SCN2A: variants seen among roughly 807,000 people sequenced by gnomAD.
SCN2A encodes sodium voltage-gated channel alpha subunit 2, also known as sodium channel protein type 2 subunit alpha.
A neutral mutation model predicts 188.7 loss-of-function variants in SCN2A; 20 were observed. The ratio of observed to expected loss-of-function variants is 0.11; its 90% CI spans 0.07 to 0.15. The LOEUF is 0.15. SCN2A is among the 10% of genes least tolerant of loss of function. SCN2A has a pLI of 1.00. For missense variants in SCN2A, 1,278 were observed against 2,445.0 expected, an observed-to-expected ratio of 0.52 and a Z score of 10.07; for synonymous variants, 804 against 833.1, an observed-to-expected ratio of 0.97 and a Z score of 0.60.
rs929165412 is a variant in SCN2A at position 165,369,201 on chromosome 2, C to T, written c.3676-925C>T. 3.3e-5 allele frequency among the ~76,000 whole-genome samples: 5 copies of T among 152,028 alleles called. No individual in the cohort carries two copies. The East Asian group carries it at 5.8e-4, about 18-fold the overall frequency. On this transcript the variant is annotated intron_variant, in intron 19 of 26. Transcript: ENST00000375437. ...GTCTTGGCCTCTTAAAGTGCTGGAA[C>T]GACGGGCGTGAACCACCGCACCTTG... is the stretch of plus-strand genomic sequence containing the variant.
intron 1 of SCN2A, among the ~76,000 whole-genome samples, chr2:165,274,550 G>A (rs966023054): frequency 1.4e-4 from 22 of 151,992 alleles, no homozygotes; most frequent in African/African-American, 4.8e-4. Flanking sequence ...TTTCACACAC[G>A]AAAACAAAAG....
chr2:165,248,081 A>C (rs1272704516), intron 1 of SCN2A, among the ~76,000 whole-genome samples: 1 of 152,092 alleles, frequency 6.6e-6, no homozygotes, highest in Non-Finnish European at 1.5e-5. Flanking sequence ...TGCCACCTTC[A>C]CACTGCTACC....
chr2:165,278,679 C>A lies in SCN2A; in HGVS notation c.-51-17094C>A, dbSNP rs115570653. 7.0e-3 allele frequency among the ~76,000 whole-genome samples: 1,070 copies of A among 152,196 alleles called. 6 individuals are homozygous for A. The highest frequency in any genetic ancestry group is 0.025 in the African/African-American group (1,028 of 41,510). On this transcript the variant is annotated intron_variant, in intron 1 of 26. Transcript: ENST00000375437. Reference sequence around the variant, plus strand: ...TGGACTAGGCAAAGTGGCTCATGGCCATAATCCCAGCAGTTTGTGAGGCCA... The same window carrying A: ...TGGACTAGGCAAAGTGGCTCATGGCAATAATCCCAGCAGTTTGTGAGGCCA...
intron 22 of SCN2A, among the ~76,000 whole-genome samples, chr2:165,377,037 A>G (rs1006536678): frequency 2.0e-5 from 3 of 152,072 alleles, no homozygotes; most frequent in Non-Finnish European, 2.9e-5. Flanking sequence ...TATTTAAAAA[A>G]GGAAATGCAG....
rs141644161 is a variant in SCN2A, at chr2:165,260,312, C to T, written c.-52+20672C>T. ...GATCCATGGAGTGCGGGCATGAAAA[C>T]GTTAATCTCCTTGCAGATCTCCATC... On this transcript the variant is annotated intron_variant, in intron 1 of 26. Coordinates refer to ENST00000375437, the MANE Select transcript of SCN2A (RefSeq NM_001040142.2). 3.3e-5 allele frequency among the ~76,000 whole-genome samples: 5 copies of T among 152,192 alleles called. No individual in the cohort carries two copies. The East Asian group carries it at 9.6e-4, about 29-fold the overall frequency.
chr2:165,361,537 A>G (rs1344316143), intron 17 of SCN2A, among the ~76,000 whole-genome samples: 1 of 152,072 alleles, frequency 6.6e-6, no homozygotes, highest in African/African-American at 2.4e-5. Context: ...GATAAAACTC[A>G]CATTTCCTTC....
In SCN2A at chr2:165,344,908, A is replaced by G. The variant is rs1574642369; in HGVS notation, c.2916A>G (p.Leu972=). ...VFMMVMVIGN[L]VVLNLFLALL... ...TGATGGTCATGGTGATTGGAAATCT[A>G]GTGGTATGTAGCAAAAACATTTTCC... is the stretch of plus-strand genomic sequence containing the variant. The change falls in exon 16 of 27, where the codon CTA becomes CTG. Residue 972 remains leucine, a synonymous_variant. Transcript: ENST00000375437. 2.5e-6 allele frequency: 4 copies of G among 1,614,178 alleles called. No individual in the cohort carries two copies. The highest frequency in any genetic ancestry group is 3.4e-6 in the Non-Finnish European group (4 of 1,180,012).
intron 16 of SCN2A, among the ~76,000 whole-genome samples, chr2:165,350,479 T>TGAGA (rs1455926536): frequency 1.6e-5 from 2 of 123,660 alleles, no homozygotes; most frequent in South Asian, 2.7e-4. Flanking sequence ...TTTTTTTTTT[T>TGAGA]TTTTTTTTTT....
chr2:165,315,173 A>T (rs1038153260), intron 10 of SCN2A, among the ~76,000 whole-genome samples: 1 of 152,214 alleles, frequency 6.6e-6, no homozygotes, highest in African/African-American at 2.4e-5. Context: ...TGTTTGAATT[A>T]TAGAACATGT....
chr2:165,305,507 G>A (rs1052456325), intron 3 of SCN2A, among the ~76,000 whole-genome samples: 8 of 152,102 alleles, frequency 5.3e-5, no homozygotes, highest in Admixed American at 4.6e-4. Context: ...CATACCTTAT[G>A]TCTTTCTTTT....
intron 1 of SCN2A, among the ~76,000 whole-genome samples, chr2:165,291,384 C>A (rs1347150636): frequency 6.1e-5 from 9 of 148,712 alleles, no homozygotes; most frequent in African/African-American, 1.7e-4. Context: ...TCCTTCCTTC[C>A]TTCCTTCCTT....
intron 3 of SCN2A, among the ~76,000 whole-genome samples, chr2:165,302,449 T>C (rs566412747): frequency 1.1e-4 from 17 of 152,302 alleles, no homozygotes; most frequent in Non-Finnish European, 1.9e-4. Context: ...GGTTAAAAAC[T>C]CCTCTGCAAC....
intron 25 of SCN2A, among the ~76,000 whole-genome samples, chr2:165,381,753 T>C (rs1701612621): frequency 6.6e-6 from 1 of 152,052 alleles, no homozygotes; most frequent in African/African-American, 2.4e-5. Flanking sequence ...GGGCTTTTTA[T>C]TGGCTCTTCC....
At chr2:165,338,462 G>A (rs571176149) in intron 14 of SCN2A, among the ~76,000 whole-genome samples, 2 of 151,848 alleles carry the variant, frequency 1.3e-5, no homozygotes, top group South Asian at 2.1e-4. Flanking sequence ...GGGTTTCATC[G>A]TGTTAGCCAG....
intron 1 of SCN2A, among the ~76,000 whole-genome samples, chr2:165,287,584 C>G (rs556656988): frequency 6.6e-6 from 1 of 151,812 alleles, no homozygotes; most frequent in East Asian, 1.9e-4. Context: ...TTATTTTAGA[C>G]AGTTTAGTAA....
rs1055894327 is a variant in SCN2A, at chr2:165,239,646, C to T, written c.-52+6C>T. On this transcript the variant is annotated splice_donor_region_variant and intron_variant, in intron 1 of 26. Coordinates refer to ENST00000375437, the MANE Select transcript of SCN2A (RefSeq NM_001040142.2). ...TACATTTTTCTTTATTTCAGGTAAG[C>T]CAGCATGATTCTATTTTTGACTTAT... The T allele has an allele frequency of 4.1e-6, 4 of 980,628 alleles. No homozygotes were observed. Among genetic ancestry groups the T allele is most frequent in the Non-Finnish European group, 4.8e-6 (4 of 825,778 alleles). The allele number at this position is 980,628 out of a possible 1,614,324, so 60.7% of individuals were successfully genotyped here.
At chr2:165,348,234 C>A (rs1699703968) in intron 16 of SCN2A, among the ~76,000 whole-genome samples, 1 of 151,860 alleles carries the variant, frequency 6.6e-6, no homozygotes, top group Admixed American at 6.6e-5. Context: ...TGATGCACAC[C>A]TGTAATCCCA....
At chr2:165,332,126 T>C (rs189599595) in intron 14 of SCN2A, among the ~76,000 whole-genome samples, 4 of 152,050 alleles carry the variant, frequency 2.6e-5, no homozygotes, top group African/African-American at 9.6e-5. Flanking sequence ...TAATATAGTA[T>C]ACTATAGTGA....
At chr2:165,293,325 C>A (rs1031992988) in intron 1 of SCN2A, among the ~76,000 whole-genome samples, 3 of 152,060 alleles carry the variant, frequency 2.0e-5, no homozygotes, top group Non-Finnish European at 4.4e-5. Flanking sequence ...TGCTTAAGGA[C>A]CAAGATATAT....
Sources: gnomAD v4.1 joint callset for allele counts (sites outside exome capture counted in the v4.1 genomes callset) on GRCh38, gnomAD v4.1.1 for gene constraint, MANE v1.5 for transcripts, NCBI Gene and HGNC (gene_info 2026-07-23, HGNC 2026-07-21) for gene names.